Variants in SHLD1 observed in about 807,000 individuals in gnomAD.
The protein encoded by SHLD1 is RINN1-REV7-interacting novel NHEJ regulator 3.
SHLD1 carries 3 observed loss-of-function variants against 5.5 expected under a neutral mutation model. The observed-to-expected ratio is 0.54, with a 90% CI of 0.25 to 1.40. The LOEUF (loss-of-function observed/expected upper bound fraction) is 1.40, where lower values mean the gene tolerates loss of function less well. Ranked by LOEUF, SHLD1 falls within the 40% of genes most tolerant of loss-of-function variation. The probability of loss-of-function intolerance (pLI) is 0.15; values close to 1 mark genes in which losing one functional copy is unlikely to be tolerated. For missense variants in SHLD1, 210 were observed against 244.4 expected (o/e 0.86, Z 0.94); for synonymous variants, 92 against 94.3 (o/e 0.98, Z 0.14).
intron 2 of SHLD1, among the ~76,000 whole-genome samples, chr20:5,837,680 C>CT (rs2087807152): frequency 6.6e-6 from 1 of 152,222 alleles, no homozygotes; most frequent in Non-Finnish European, 1.5e-5. Context: ...CTCCCCAAAA[C>CT]TTTAACTACT....
chr20:5,763,174 C>T (rs1172423667), intron 1 of SHLD1, among the ~76,000 whole-genome samples: 16 of 150,150 alleles, frequency 1.1e-4, no homozygotes, highest in South Asian at 1.1e-3. Context: ...GGCGTAGTGG[C>T]GCATGCCTGT....
intron 2 of SHLD1, among the ~76,000 whole-genome samples, chr20:5,862,248 T>G (rs1345081006): frequency 6.6e-6 from 1 of 152,250 alleles, no homozygotes; most frequent in Non-Finnish European, 1.5e-5. Flanking sequence ...CATACTATAA[T>G]ATGATATGAA....
rs572218976 is a variant in SHLD1 at position 5,812,648 on chromosome 20, G to C, written c.178+39605G>C. 5.3e-5 allele frequency among the ~76,000 whole-genome samples: 8 copies of C among 152,276 alleles called. No homozygotes were observed. The South Asian group carries it at 1.7e-3, about 32-fold the overall frequency. ...GTGTATTACTTTCACCAGGTATTAT[G>C]CCTCACTAAATGCAGAGTTCTTTTC... On this transcript the variant is annotated intron_variant, in intron 2 of 2. Transcript: ENST00000303142.
At chr20:5,835,113 A>G (rs1295565395) in intron 2 of SHLD1, among the ~76,000 whole-genome samples, 1 of 152,164 alleles carries the variant, frequency 6.6e-6, no homozygotes, top group East Asian at 1.9e-4. Flanking sequence ...ACCATCCCTG[A>G]GAACATAGGT....
intron 2 of SHLD1, among the ~76,000 whole-genome samples, chr20:5,797,469 G>A (rs565604831): frequency 9.3e-4 from 141 of 152,236 alleles, no homozygotes; most frequent in South Asian, 3.3e-3. Context: ...GGCAGAGGTG[G>A]GAGGATTGCT....
intron 2 of SHLD1, among the ~76,000 whole-genome samples, chr20:5,796,405 C>G (rs187905535): frequency 7.2e-6 from 1 of 139,552 alleles, no homozygotes; most frequent in Non-Finnish European, 1.6e-5. Context: ...AGTTGCCCCT[C>G]TAGAGTTTTT....
At chr20:5,769,644 G>T (rs892752363) in intron 1 of SHLD1, among the ~76,000 whole-genome samples, 4 of 152,140 alleles carry the variant, frequency 2.6e-5, no homozygotes, top group Non-Finnish European at 5.9e-5. Flanking sequence ...TGTGAATGTG[G>T]TCTCTCTCTC....
chr20:5,775,988 C>T (rs1453397038), intron 2 of SHLD1, among the ~76,000 whole-genome samples: 5 of 135,406 alleles, frequency 3.7e-5, no homozygotes, highest in South Asian at 2.4e-4. Context: ...AGCACAGTGG[C>T]GTGATCTTGG....
At position 5,806,452 on chromosome 20, in the gene SHLD1, G is replaced by A. The variant is rs901500847; in HGVS notation, c.178+33409G>A. Among the ~76,000 whole-genome samples the A allele has an allele frequency of 6.6e-6, 1 of 152,146 alleles. No homozygotes were observed. The highest frequency in any genetic ancestry group is 1.5e-5 in the Non-Finnish European group (1 of 68,032). ...TGATCATTTTCCTGTATTACTGTGG[G>A]GAAGTGGATTATCTGCAATACATGC... is the stretch of plus-strand genomic sequence containing the variant. On this transcript the variant is annotated intron_variant, in intron 2 of 2. Coordinates refer to ENST00000303142, the MANE Select transcript of SHLD1 (RefSeq NM_152504.4). This position sits in a 1 kb window ranked among gnomAD's most constrained non-coding sequence, Gnocchi z 7.6.
rs185775346 is a variant in SHLD1, at chr20:5,829,427, G to C, written c.179-33597G>C. Among the ~76,000 whole-genome samples the C allele has an allele frequency of 2.4e-3, 368 of 152,196 alleles. 3 individuals are homozygous for C. Among genetic ancestry groups the C allele is most frequent in the African/African-American group, 8.3e-3 (345 of 41,524 alleles). Reference sequence around the variant, plus strand: ...GAGCTCTTATGAAGCTTATATACTGGAGATATTGGAAAAAGATACTAATCT... The same window carrying C: ...GAGCTCTTATGAAGCTTATATACTGCAGATATTGGAAAAAGATACTAATCT... On this transcript the variant is annotated intron_variant, in intron 2 of 2. Transcript: ENST00000303142.
chr20:5,811,586 G>A (rs551176477), intron 2 of SHLD1, among the ~76,000 whole-genome samples: 1 of 152,270 alleles, frequency 6.6e-6, no homozygotes, highest in South Asian at 2.1e-4. Context: ...TGGGCATGGT[G>A]GCTCACGCCT....
chr20:5,835,558 AG>A (rs1206029855), intron 2 of SHLD1, among the ~76,000 whole-genome samples: 2 of 152,144 alleles, frequency 1.3e-5, no homozygotes, highest in African/African-American at 2.4e-5. Context: ...CAGCGTCCCC[AG>A]GGAGCACCAG....
intron 2 of SHLD1, among the ~76,000 whole-genome samples, chr20:5,799,389 T>G (rs1174212722): frequency 6.6e-6 from 1 of 151,552 alleles, no homozygotes; most frequent in African/African-American, 2.4e-5. Context: ...CGGCCTCAAC[T>G]TCCCGGGTTC....
chr20:5,827,104 A>C (rs2087675216), intron 2 of SHLD1, among the ~76,000 whole-genome samples: 1 of 147,088 alleles, frequency 6.8e-6, no homozygotes, highest in African/African-American at 2.5e-5. Context: ...GAGCTTAATG[A>C]AGAGCTTATG....
intron 2 of SHLD1, among the ~76,000 whole-genome samples, chr20:5,830,688 TAAAAA>T (rs33975362): frequency 4.6e-5 from 6 of 131,290 alleles, no homozygotes; most frequent in Non-Finnish European, 8.4e-5. Flanking sequence ...AACTCCGTCT[TAAAAA>T]AAAAAAAAAA....
intron 2 of SHLD1, among the ~76,000 whole-genome samples, chr20:5,860,052 AT>A (rs1283862301): frequency 6.6e-6 from 1 of 152,174 alleles, no homozygotes; most frequent in Admixed American, 6.5e-5. Flanking sequence ...GTTGGTGGGC[AT>A]CCCCCGCTCT....
intron 2 of SHLD1, among the ~76,000 whole-genome samples, chr20:5,780,820 C>A (rs746873307): frequency 6.6e-6 from 1 of 152,206 alleles, no homozygotes; most frequent in African/African-American, 2.4e-5. Context: ...ACTAAGCCTG[C>A]CCTTACTCAG....
At chr20:5,777,600 TA>T (rs144696140) in intron 2 of SHLD1, among the ~76,000 whole-genome samples, 7,635 of 72,312 alleles carry the variant, frequency 0.11, 274 homozygotes, top group African/African-American at 0.21. Flanking sequence ...AAAAAAATTT[TA>T]TTTTTTTTTT....
intron 1 of SHLD1, among the ~76,000 whole-genome samples, chr20:5,764,137 A>AT (rs1450130967): frequency 0.03 from 2,846 of 95,604 alleles, 110 homozygotes; most frequent in Admixed American, 0.064. Flanking sequence ...AAAAAAAAAA[A>AT]AAATATATAT....
Sources: allele counts gnomAD v4.1 joint callset (sites outside exome capture counted in the v4.1 genomes callset), GRCh38; gene constraint gnomAD v4.1.1; non-coding constraint Gnocchi (gnomAD v3.1); transcripts MANE v1.5; gene names NCBI Gene and HGNC (gene_info 2026-07-23, HGNC 2026-07-21).